The following TNFRSF1B variants were observed in gnomAD, a reference collection of about 807,000 sequenced individuals.
TNFRSF1B encodes TNF receptor superfamily member 1B.
TNFRSF1B carries 19 observed loss-of-function variants against 44.6 expected under a neutral mutation model. The ratio of observed to expected loss-of-function variants is 0.43; its 90% CI spans 0.30 to 0.62. The LOEUF (loss-of-function observed/expected upper bound fraction) is 0.62, where lower values mean the gene tolerates loss of function less well. TNFRSF1B is among the 20% of genes least tolerant of loss of function. The pLI is 0.16. For synonymous variants in TNFRSF1B, 252 were observed against 261.1 expected, an observed-to-expected ratio of 0.97 and a Z score of 0.34; for missense variants, 541 against 619.9, an observed-to-expected ratio of 0.87 and a Z score of 1.35.
chr1:12,195,264 A>G (rs959443533), intron 8 of TNFRSF1B, among the ~76,000 whole-genome samples: 1 of 152,200 alleles, frequency 6.6e-6, no homozygotes, highest in Non-Finnish European at 1.5e-5. Context: ...TTCATTCTCC[A>G]TCAGGAAGGC....
rs1252294698 is a variant in TNFRSF1B, at chr1:12,199,473, C to G, written c.901-2494C>G. Among the ~76,000 whole-genome samples the G allele has an allele frequency of 1.3e-5, 2 of 152,246 alleles. No homozygotes were observed. The highest frequency in any genetic ancestry group is 1.3e-4 in the Admixed American group (2 of 15,292). On this transcript the variant is annotated intron_variant, in intron 8 of 9. Coordinates refer to ENST00000376259, the MANE Select transcript of TNFRSF1B (RefSeq NM_001066.3). The surrounding 1 kb of genome is among the most constrained non-coding windows in gnomAD (Gnocchi z 4.0). Reference sequence around the variant, plus strand: ...ATGCTGGGCACAGGATGCACTTTCTCTGGGCCTCCGTGGCCTCTTGGGGAT... The same window carrying G: ...ATGCTGGGCACAGGATGCACTTTCTGTGGGCCTCCGTGGCCTCTTGGGGAT...
chr1:12,194,524 A>T, intron 7 of TNFRSF1B, 60 bp from the exon 8 acceptor site: 1 of 1,606,728 alleles, frequency 6.2e-7, no homozygotes, highest in East Asian at 2.2e-5. Context: ...CTGCCCTCCT[A>T]CTTAGGACAG....
intron 1 of TNFRSF1B, among the ~76,000 whole-genome samples, chr1:12,184,988 C>T (rs996675564): frequency 2.6e-4 from 39 of 152,182 alleles, no homozygotes; most frequent in African/African-American, 8.4e-4. Flanking sequence ...GGAGGCCGTT[C>T]GGTCGGAGGG....
At position 12,186,285 on chromosome 1, in the gene TNFRSF1B, G is replaced by C. The variant is rs2101098264; in HGVS notation, c.79-2511G>C. Among the ~76,000 whole-genome samples the C allele has an allele frequency of 6.6e-6, 1 of 152,312 alleles. No homozygotes were observed. ...ATAGGTGCAGCCAAACGCTCAGCAG[G>C]CCCAAACTCTGGGCAGTCCTGACTC... On this transcript the variant is annotated intron_variant, in intron 1 of 9. Coordinates refer to ENST00000376259, the MANE Select transcript of TNFRSF1B (RefSeq NM_001066.3). This position sits in a 1 kb window ranked among gnomAD's most constrained non-coding sequence, Gnocchi z 4.8.
At chr1:12,194,060 C>T (rs756791462) in intron 7 of TNFRSF1B, 28 bp downstream of exon 7, 2 of 1,600,410 alleles carry the variant, frequency 1.2e-6, no homozygotes, top group South Asian at 2.2e-5. Flanking sequence ...CTTCCTTCAT[C>T]CACTTGTTCA....
rs1484632891 is a variant in TNFRSF1B at position 12,178,584 on chromosome 1, G to C, written c.79-10212G>C. Among the ~76,000 whole-genome samples, 3 of 152,158 alleles carry C rather than the reference G, an allele frequency of 2.0e-5. No individual in the cohort carries two copies. Among genetic ancestry groups the C allele is most frequent in the African/African-American group, 7.2e-5 (3 of 41,424 alleles). On this transcript the variant is annotated intron_variant, in intron 1 of 9. Coordinates refer to ENST00000376259, the MANE Select transcript of TNFRSF1B (RefSeq NM_001066.3). This position sits in a 1 kb window ranked among gnomAD's most constrained non-coding sequence, Gnocchi z 4.3. ...GTGGGCAGTATAGAGATGCACCCGG[G>C]TTGTCACAGGAGCCCCTAGGAGGGA...
intron 8 of TNFRSF1B, among the ~76,000 whole-genome samples, chr1:12,198,039 G>A (rs1484476127): frequency 2.0e-5 from 3 of 151,260 alleles, no homozygotes; most frequent in Admixed American, 6.6e-5. Flanking sequence ...GCAGAATAGC[G>A]TGAACCCGGG....
chr1:12,182,151 G>A (rs980838322), intron 1 of TNFRSF1B, among the ~76,000 whole-genome samples: 5 of 152,184 alleles, frequency 3.3e-5, no homozygotes, highest in African/African-American at 1.2e-4. Flanking sequence ...CCTCTTTGAG[G>A]CTAGTTTCTT....
chr1:12,192,552 A>AG (rs754846502), intron 5 of TNFRSF1B, 28 bp downstream of exon 5: 1 of 1,603,436 alleles, frequency 6.2e-7, no homozygotes, highest in Non-Finnish European at 8.5e-7. Context: ...TTGGTTCTGG[A>AG]GGAGCAGGGA....
At chr1:12,192,744 C>T in intron 5 of TNFRSF1B, 119 bp from the exon 6 acceptor site, 1 of 974,684 alleles carries the variant, frequency 1.0e-6, no homozygotes, top group South Asian at 1.6e-5. Context: ...GGGGGTGGTC[C>T]TCAGAGAGGG....
rs929058601 is a variant in TNFRSF1B at position 12,199,012 on chromosome 1, A to T, written c.901-2955A>T. On this transcript the variant is annotated intron_variant, in intron 8 of 9. Coordinates refer to ENST00000376259, the MANE Select transcript of TNFRSF1B (RefSeq NM_001066.3). The surrounding 1 kb of genome is among the most constrained non-coding windows in gnomAD (Gnocchi z 4.0). Reference sequence around the variant, plus strand: ...CCGGCCCTGGGATCCTGTGTTTTGAATGAGGCTCCTCAGTACTCGGCTCTA... The same window carrying T: ...CCGGCCCTGGGATCCTGTGTTTTGATTGAGGCTCCTCAGTACTCGGCTCTA... 3.9e-5 allele frequency among the ~76,000 whole-genome samples: 6 copies of T among 152,126 alleles called. No individual in the cohort carries two copies. Among genetic ancestry groups the T allele is most frequent in the Admixed American group, 3.9e-4 (6 of 15,288 alleles).
At chr1:12,192,045 A>G (rs1319460864) in intron 4 of TNFRSF1B, 122 bp downstream of exon 4, 1 of 1,328,818 alleles carries the variant, frequency 7.5e-7, no homozygotes, top group Non-Finnish European at 1.0e-6. Context: ...AGTGGTGGCC[A>G]GGTGCCTGCT....
chr1:12,206,359 CAAA>C (rs35664314), intron 9 of TNFRSF1B, among the ~76,000 whole-genome samples: 23 of 80,544 alleles, frequency 2.9e-4, no homozygotes, highest in Admixed American at 5.6e-4. Context: ...GACCCTGTCT[CAAA>C]AAAAAAAAAA....
intron 9 of TNFRSF1B, among the ~76,000 whole-genome samples, chr1:12,203,842 A>G (rs1354631139): frequency 1.3e-5 from 2 of 151,830 alleles, no homozygotes; most frequent in African/African-American, 4.8e-5. Flanking sequence ...TGATCCTCCC[A>G]CCTCAGCTTC....
In TNFRSF1B at chr1:12,193,055, C is replaced by T. The variant is rs888291217; in HGVS notation, c.744C>T (p.Ser248=). ...STSFLLPMGP[S]PPAEGSTGDF... is the part of the protein sequence containing the mutation. ...CCTTCCTGCTCCCAATGGGCCCCAG[C>T]CCCCCAGCTGAAGGGAGCACTGGCG... The change falls in exon 6 of 10, where the codon AGC becomes AGT. Residue 248 remains serine (S), a synonymous_variant. Coordinates refer to ENST00000376259, the MANE Select transcript of TNFRSF1B (RefSeq NM_001066.3). 3 of 1,614,032 alleles carry T rather than the reference C, an allele frequency of 1.9e-6. No individual in the cohort carries two copies. In the Admixed American group the frequency reaches 5.0e-5, roughly 27 times the overall value.
At chr1:12,184,538 A>C (rs1638935086) in intron 1 of TNFRSF1B, among the ~76,000 whole-genome samples, 1 of 152,106 alleles carries the variant, frequency 6.6e-6, no homozygotes, top group Non-Finnish European at 1.5e-5. Flanking sequence ...ACTCACAGCA[A>C]AGCCTCAGAC....
At chr1:12,173,770 A>T (rs1162409148) in intron 1 of TNFRSF1B, among the ~76,000 whole-genome samples, 1 of 152,118 alleles carries the variant, frequency 6.6e-6, no homozygotes, top group East Asian at 1.9e-4. Flanking sequence ...TTGGGCCTTG[A>T]TCACCTCTGC....
At chr1:12,179,578 C>G (rs1260980979) in intron 1 of TNFRSF1B, among the ~76,000 whole-genome samples, 19 of 152,178 alleles carry the variant, frequency 1.2e-4, no homozygotes, top group Admixed American at 1.2e-3. Flanking sequence ...CCCTGGAGAC[C>G]CTTTTGCCTG....
chr1:12,197,975 A>G (rs1639302569), intron 8 of TNFRSF1B, among the ~76,000 whole-genome samples: 1 of 152,218 alleles, frequency 6.6e-6, no homozygotes, highest in South Asian at 2.1e-4. Context: ...AATAAAAAAA[A>G]TTAGCCGGGC....
Sources: allele counts gnomAD v4.1 joint callset (sites outside exome capture counted in the v4.1 genomes callset), GRCh38; gene constraint gnomAD v4.1.1; non-coding constraint Gnocchi (gnomAD v3.1); transcripts MANE v1.5; gene names NCBI Gene and HGNC (gene_info 2026-07-23, HGNC 2026-07-21).